ENTREP2: variants seen among roughly 807,000 people sequenced by gnomAD.
ENTREP2 encodes the protein protein ENTREP2.
chr15:29,476,798 AC>A, the ENTREP2 span, among the ~76,000 whole-genome samples: 2 of 152,086 alleles, frequency 1.3e-5, no homozygotes, highest in Non-Finnish European at 1.5e-5. Context: ...GAGCGGCCAA[AC>A]CTCTCACATG....
the ENTREP2 span, among the ~76,000 whole-genome samples, chr15:29,344,465 A>G: frequency 2.6e-5 from 2 of 77,728 alleles, no homozygotes; most frequent in African/African-American, 6.0e-5. Flanking sequence ...CATTCCTCTC[A>G]CCCTCAGAAG....
At chr15:29,165,775 A>G in the ENTREP2 span, among the ~76,000 whole-genome samples, 1 of 152,138 alleles carries the variant, frequency 6.6e-6, no homozygotes, top group Admixed American at 6.5e-5. Flanking sequence ...TTTTGACACT[A>G]TTCCACAAGA....
chr15:29,532,998 C>T, the ENTREP2 span, among the ~76,000 whole-genome samples: 1 of 152,284 alleles, frequency 6.6e-6, no homozygotes, highest in Non-Finnish European at 1.5e-5. Flanking sequence ...GGAGCCTCTA[C>T]AGGAGGAAGG....
chr15:29,387,459 G>A, the ENTREP2 span, among the ~76,000 whole-genome samples: 5 of 152,248 alleles, frequency 3.3e-5, no homozygotes, highest in African/African-American at 7.2e-5. Context: ...ACTGCTCAAC[G>A]AAATAAAAGA....
the ENTREP2 span, among the ~76,000 whole-genome samples, chr15:29,382,535 C>T: frequency 6.6e-6 from 1 of 152,144 alleles, no homozygotes; most frequent in Non-Finnish European, 1.5e-5. Context: ...TTTCTAGGCC[C>T]TGACTCCAAG....
the ENTREP2 span, among the ~76,000 whole-genome samples, chr15:29,390,444 G>C: frequency 1.3e-5 from 2 of 152,122 alleles, no homozygotes; most frequent in Non-Finnish European, 2.9e-5. Context: ...CAAATAGATT[G>C]GAAAAGGCAT....
chr15:29,669,541 A>G, the ENTREP2 span, among the ~76,000 whole-genome samples: 1 of 152,208 alleles, frequency 6.6e-6, no homozygotes, highest in Non-Finnish European at 1.5e-5. Flanking sequence ...ACTCAGTTTC[A>G]AATATTCTAT....
the ENTREP2 span, among the ~76,000 whole-genome samples, chr15:29,546,498 T>C: frequency 6.6e-6 from 1 of 152,120 alleles, no homozygotes; most frequent in Non-Finnish European, 1.5e-5. Flanking sequence ...AGGAGCCAGA[T>C]GTCAAAAAGT....
the ENTREP2 span, among the ~76,000 whole-genome samples, chr15:29,235,656 TACC>T: frequency 6.6e-6 from 1 of 152,280 alleles, no homozygotes; most frequent in South Asian, 2.1e-4. Flanking sequence ...AGCTAATTCC[TACC>T]TCAGGAAACT....
the ENTREP2 span, among the ~76,000 whole-genome samples, chr15:29,585,635 T>C: frequency 1.3e-5 from 2 of 152,042 alleles, no homozygotes; most frequent in Non-Finnish European, 2.9e-5. Flanking sequence ...GGCCGGCAGA[T>C]CACGAGGTCA....
the ENTREP2 span, among the ~76,000 whole-genome samples, chr15:29,352,520 G>A: frequency 1.3e-5 from 2 of 152,108 alleles, no homozygotes; most frequent in South Asian, 4.2e-4. Flanking sequence ...AAGCCCTTCG[G>A]TCTCATTCCC....
At chr15:29,332,580 C>T in the ENTREP2 span, among the ~76,000 whole-genome samples, 7,022 of 152,244 alleles carry the variant, frequency 0.046, 589 homozygotes, top group African/African-American at 0.16. Flanking sequence ...AGCAAGCATG[C>T]TAGCAGCCAA....
the ENTREP2 span, among the ~76,000 whole-genome samples, chr15:29,529,949 A>G: frequency 6.6e-6 from 1 of 152,152 alleles, no homozygotes; most frequent in Non-Finnish European, 1.5e-5. Flanking sequence ...GCTAAAATGA[A>G]GCTACATCTT....
chr15:29,523,423 G>C, the ENTREP2 span, among the ~76,000 whole-genome samples: 1 of 152,040 alleles, frequency 6.6e-6, no homozygotes, highest in African/African-American at 2.4e-5. Flanking sequence ...AACTAGAAAA[G>C]ATCATTGAAA....
At chr15:29,229,715 T>C in the ENTREP2 span, among the ~76,000 whole-genome samples, 1 of 152,222 alleles carries the variant, frequency 6.6e-6, no homozygotes, top group African/African-American at 2.4e-5. Flanking sequence ...CATACTTCTC[T>C]ATCATTCCTG....
At chr15:29,237,363 T>C in the ENTREP2 span, among the ~76,000 whole-genome samples, 3 of 152,342 alleles carry the variant, frequency 2.0e-5, no homozygotes, top group Non-Finnish European at 4.4e-5. Context: ...ATTTTCCTTT[T>C]ATAGGTGATG....
At chr15:29,465,477 C>T in the ENTREP2 span, among the ~76,000 whole-genome samples, 1 of 152,172 alleles carries the variant, frequency 6.6e-6, no homozygotes, top group South Asian at 2.1e-4. Context: ...CACTGAAGGA[C>T]TGTGCACTCT....
the ENTREP2 span, among the ~76,000 whole-genome samples, chr15:29,277,129 A>T: frequency 1.3e-5 from 2 of 152,144 alleles, no homozygotes; most frequent in Non-Finnish European, 2.9e-5. Flanking sequence ...AGATCACTTG[A>T]GGTCAGGAGT....
chr15:29,652,450 GT>G, the ENTREP2 span, among the ~76,000 whole-genome samples: 1 of 152,256 alleles, frequency 6.6e-6, no homozygotes, highest in Non-Finnish European at 1.5e-5. Context: ...CAAATGGCAA[GT>G]CTAGAAGTGC....
Sources: allele counts gnomAD v4.1 joint callset (sites outside exome capture counted in the v4.1 genomes callset), GRCh38; gene constraint gnomAD v4.1.1; transcripts MANE v1.5; gene names NCBI Gene and HGNC (gene_info 2026-07-23, HGNC 2026-07-21).